BICRA: variants seen among roughly 807,000 people sequenced by gnomAD.
The protein encoded by BICRA is BRD4-interacting chromatin-remodeling complex-associated protein.
Under a neutral mutation model 96.9 loss-of-function variants are expected in BICRA, and 31 were observed. The observed-to-expected ratio is 0.32, with a 90% confidence interval of 0.24 to 0.43. The LOEUF (loss-of-function observed/expected upper bound fraction) is 0.43, where lower values mean the gene tolerates loss of function less well. Ranked by LOEUF, BICRA falls within the 20% of genes least tolerant of loss-of-function variation. BICRA has a pLI of 1.00. For synonymous variants in BICRA, 1,350 were observed against 1,071.8 expected (o/e 1.26, Z -5.07); for missense variants, 2,283 against 2,190.3 (o/e 1.04, Z -0.84).
chr19:47,698,272 A>G lies in BICRA; in HGVS notation c.3249-362A>G, dbSNP rs1194427816. On this transcript the variant is annotated intron_variant, in intron 11 of 14. Coordinates refer to ENST00000594866, the MANE Select transcript of BICRA (RefSeq NM_001394372.1). This position sits in a 1 kb window ranked among gnomAD's most constrained non-coding sequence, Gnocchi z 4.8. The stretch of plus-strand genomic sequence containing the variant: ...CCGAAGGCTGCACTTTGGAGGAGGC[A>G]CGGTGGAGCCACACTGGCCCCAGGT... Among the ~76,000 whole-genome samples, 1 of 152,126 alleles carries G rather than the reference A, an allele frequency of 6.6e-6. No individual in the cohort carries two copies. Among genetic ancestry groups the G allele is most frequent in the Non-Finnish European group, 1.5e-5 (1 of 68,000 alleles).
chr19:47,614,548 C>T (rs1276675336), intron 1 of BICRA, among the ~76,000 whole-genome samples: 1 of 152,330 alleles, frequency 6.6e-6, no homozygotes, highest in East Asian at 1.9e-4. Flanking sequence ...ATGCAGGAGG[C>T]GGAGGTTGCG....
rs535151641 is a variant in BICRA, at chr19:47,679,632, G to A, written c.462G>A (p.Ala154=). The A allele has an allele frequency of 7.9e-6, 12 of 1,512,922 alleles. No individual in the cohort carries two copies. The highest frequency in any genetic ancestry group is 1.1e-5 in the Non-Finnish European group (12 of 1,131,260). The allele number at this position is 1,512,922 out of a possible 1,614,324, so 93.7% of individuals were successfully genotyped here. The change falls in exon 6 of 15, where the codon GCG becomes GCA. Residue 154 remains alanine, a synonymous_variant. Transcript: ENST00000594866. ...CTGGAGGGGCAGCGGCCGTGGCTGCGGGGCCCCAAGCCCTCTTCCCAGGCA... is the reference window on the plus strand; with the variant it reads ...CTGGAGGGGCAGCGGCCGTGGCTGCAGGGCCCCAAGCCCTCTTCCCAGGCA... The part of the protein sequence containing the change: ...TGAGGAAAVA[A]GPQALFPGST...
intron 11 of BICRA, among the ~76,000 whole-genome samples, chr19:47,696,833 G>A (rs890784023): frequency 2.0e-5 from 3 of 152,008 alleles, no homozygotes; most frequent in Non-Finnish European, 2.9e-5. Context: ...GCCCCACTGG[G>A]TGGGTGAAGT....
At chr19:47,639,084 A>G (rs375407832) in intron 1 of BICRA, among the ~76,000 whole-genome samples, 31 of 151,636 alleles carry the variant, frequency 2.0e-4, no homozygotes, top group African/African-American at 6.8e-4. Context: ...GCTCACTACA[A>G]CCTCCACCTC....
chr19:47,627,253 A>G (rs1342011160), intron 1 of BICRA, among the ~76,000 whole-genome samples: 1 of 152,136 alleles, frequency 6.6e-6, no homozygotes, highest in Non-Finnish European at 1.5e-5. Flanking sequence ...AGCTAGAGAC[A>G]TGGGTGACCA....
chr19:47,613,485 C>T (rs971019105), intron 1 of BICRA, among the ~76,000 whole-genome samples: 3 of 152,152 alleles, frequency 2.0e-5, no homozygotes, highest in Non-Finnish European at 2.9e-5. Flanking sequence ...TTATCTTGCC[C>T]TGGTCATATT....
intron 1 of BICRA, among the ~76,000 whole-genome samples, chr19:47,614,918 A>G (rs1971961099): frequency 6.6e-6 from 1 of 152,186 alleles, no homozygotes; most frequent in Admixed American, 6.5e-5. Context: ...TGGGATTGCT[A>G]GATCAAGGGC....
intron 2 of BICRA, among the ~76,000 whole-genome samples, chr19:47,672,530 C>T (rs1261166479): frequency 6.6e-6 from 1 of 150,720 alleles, no homozygotes; most frequent in Non-Finnish European, 1.5e-5. Context: ...TTAAATGTTT[C>T]TGAGGGCTGG....
In BICRA at chr19:47,625,905, G is replaced by C. The variant is rs560465391; in HGVS notation, c.-108+16737G>C. ...GTAGTTAGGGAGAGCTCTGGCAGCT[G>C]CCTTGCTCGACATGGAGAGGCGCCT... On this transcript the variant is annotated intron_variant, in intron 1 of 14. Coordinates refer to ENST00000594866, the MANE Select transcript of BICRA (RefSeq NM_001394372.1). Among the ~76,000 whole-genome samples the C allele has an allele frequency of 7.9e-5, 12 of 152,210 alleles. 1 individual carries two copies. In the South Asian group the frequency reaches 2.5e-3, roughly 32 times the overall value.
chr19:47,682,350 C>T (rs112928445), intron 7 of BICRA, among the ~76,000 whole-genome samples, 198 bp downstream of exon 7: 3 of 152,212 alleles, frequency 2.0e-5, no homozygotes, highest in Admixed American at 1.3e-4. Context: ...GGAGCCCACG[C>T]GCTGCAGGAA....
intron 4 of BICRA, among the ~76,000 whole-genome samples, chr19:47,674,229 TGAG>T (rs138284727): frequency 0.019 from 2,785 of 149,634 alleles, 74 homozygotes; most frequent in African/African-American, 0.065. Context: ...TTGGCATGGT[TGAG>T]GAACAGGAAG....
At chr19:47,613,033 A>G (rs1477553594) in intron 1 of BICRA, among the ~76,000 whole-genome samples, 1 of 151,908 alleles carries the variant, frequency 6.6e-6, no homozygotes, top group African/African-American at 2.4e-5. Context: ...GTAGGAACTG[A>G]TCTTTTTGGG....
Position 47,614,373 on chromosome 19 carries a change from T to C in BICRA, c.-108+5205T>C, listed in dbSNP as rs564644915. The stretch of plus-strand genomic sequence containing the variant: ...GGCTCACGCCTGTAATCCCAGCACT[T>C]TGGGAGGCTGAAGTGGGCAGATCAC... On this transcript the variant is annotated intron_variant, in intron 1 of 14. Coordinates refer to ENST00000594866, the MANE Select transcript of BICRA (RefSeq NM_001394372.1). Among the ~76,000 whole-genome samples, 4 of 152,304 alleles carry C rather than the reference T, an allele frequency of 2.6e-5. No individual in the cohort carries two copies. The South Asian group carries it at 8.3e-4, about 32-fold the overall frequency.
At chr19:47,661,696 A>G (rs894587033) in intron 1 of BICRA, 2 of 152,188 alleles carry the variant, frequency 1.3e-5, no homozygotes, top group African/African-American at 4.8e-5. Flanking sequence ...GGGCCAGAAT[A>G]GTGGTCATGG....
chr19:47,623,707 G>A (rs1480932018), intron 1 of BICRA, among the ~76,000 whole-genome samples: 2 of 152,140 alleles, frequency 1.3e-5, no homozygotes, highest in Non-Finnish European at 2.9e-5. Context: ...GAGGCATCAG[G>A]GTAGGCTTCC....
intron 1 of BICRA, among the ~76,000 whole-genome samples, chr19:47,609,484 C>CT (rs1281794438): frequency 1.3e-5 from 2 of 151,258 alleles, no homozygotes; most frequent in East Asian, 4.0e-4. Context: ...GGGACCCCCC[C>CT]CCAACCGGCT....
intron 1 of BICRA, among the ~76,000 whole-genome samples, chr19:47,666,976 C>T (rs930866865): frequency 1.3e-5 from 2 of 152,000 alleles, no homozygotes; most frequent in Non-Finnish European, 2.9e-5. Flanking sequence ...GGTCACAACA[C>T]GGACTGTTTC....
chr19:47,608,926 T>TA (rs1444417984), upstream of BICRA, among the ~76,000 whole-genome samples: 13 of 142,976 alleles, frequency 9.1e-5, no homozygotes, highest in Admixed American at 6.9e-4. Context: ...TGCATTTAAT[T>TA]AAAAAAAATT....
In BICRA at chr19:47,699,119, T is replaced by G. The variant is rs1973398916; in HGVS notation, c.3492+60T>G. The G allele has an allele frequency of 8.2e-7, 1 of 1,213,760 alleles. No individual in the cohort carries two copies. Among genetic ancestry groups the G allele is most frequent in the African/African-American group, 1.5e-5 (1 of 66,510 alleles). 75.2% of individuals were successfully genotyped at this position (1,213,760 alleles called of 1,614,324 possible). ...CCTCCTCGCTGGGACACTGCCCCTT[T>G]CCCTCACCCGCTCTGGGCAAGGTGG... is the stretch of plus-strand genomic sequence containing the variant. On this transcript the variant is annotated intron_variant, in intron 13 of 14. Coordinates refer to ENST00000594866, the MANE Select transcript of BICRA (RefSeq NM_001394372.1). This position sits in a 1 kb window ranked among gnomAD's most constrained non-coding sequence, Gnocchi z 5.0.
Sources: gnomAD v4.1 joint callset for allele counts (sites outside exome capture counted in the v4.1 genomes callset) on GRCh38, gnomAD v4.1.1 for gene constraint, Gnocchi (gnomAD v3.1) non-coding constraint, MANE v1.5 for transcripts, NCBI Gene and HGNC (gene_info 2026-07-23, HGNC 2026-07-21) for gene names.